Variants in CRISPLD1 observed in about 807,000 individuals in gnomAD.
CRISPLD1 encodes the protein cysteine-rich secretory protein LCCL domain-containing 1.
CRISPLD1 carries 60 observed loss-of-function variants against 77.5 expected under a neutral mutation model. The ratio of observed to expected loss-of-function variants is 0.77; its 90% CI spans 0.63 to 0.96. CRISPLD1 has a LOEUF of 0.96. Ranked by LOEUF, CRISPLD1 falls within the 40% of genes least tolerant of loss-of-function variation. CRISPLD1 has a pLI of 0.00. For synonymous variants in CRISPLD1, 195 were observed against 200.1 expected, an observed-to-expected ratio of 0.97 and a Z score of 0.22; for missense variants, 623 against 615.8, an observed-to-expected ratio of 1.01 and a Z score of -0.12.
chr8:75,027,429 A>G (rs2128788776), intron 13 of CRISPLD1, among the ~76,000 whole-genome samples: 1 of 152,316 alleles, frequency 6.6e-6, no homozygotes, highest in Admixed American at 6.5e-5. Flanking sequence ...GAGAACTTTT[A>G]ATTTTAGTCA....
At chr8:75,026,196 C>T (rs1813232772) in intron 13 of CRISPLD1, among the ~76,000 whole-genome samples, 1 of 152,118 alleles carries the variant, frequency 6.6e-6, no homozygotes, top group African/African-American at 2.4e-5. Flanking sequence ...GATCCTCCTG[C>T]CTCAGCCTCC....
In CRISPLD1 at chr8:74,986,487, C is replaced by T. The variant is rs1587001889; in HGVS notation, c.258+242C>T. ...TTCCTACTAAGTGCTGTAAATTCTA[C>T]TCTCACCAGGAAGGTTAATATAGTG... On this transcript the variant is annotated intron_variant, in intron 2 of 14. Transcript: ENST00000262207. 2.0e-5 allele frequency among the ~76,000 whole-genome samples: 3 copies of T among 152,280 alleles called. No homozygotes were observed. The South Asian group carries it at 6.2e-4, about 32-fold the overall frequency.
intron 2 of CRISPLD1, among the ~76,000 whole-genome samples, chr8:75,011,859 T>G (rs2128784977): frequency 6.6e-6 from 1 of 152,220 alleles, no homozygotes; most frequent in South Asian, 2.1e-4. Context: ...GATAGATATG[T>G]AAGCAGATAC....
intron 2 of CRISPLD1, chr8:75,000,488 T>C (rs1812721908): frequency 1.7e-5 from 16 of 934,220 alleles, no homozygotes; most frequent in Non-Finnish European, 1.9e-5. Context: ...GCCTTGAGAT[T>C]TTTGATGCTG....
At chr8:74,998,531 T>C (rs2128782065) in intron 2 of CRISPLD1, among the ~76,000 whole-genome samples, 1 of 151,062 alleles carries the variant, frequency 6.6e-6, no homozygotes, top group African/African-American at 2.4e-5. Context: ...CTATTAAAAA[T>C]AGAAAAATTA....
chr8:75,007,565 ATTGT>A (rs537972005), intron 2 of CRISPLD1, among the ~76,000 whole-genome samples: 18 of 141,888 alleles, frequency 1.3e-4, no homozygotes, highest in South Asian at 4.5e-4. Flanking sequence ...GTTTTCAGTT[ATTGT>A]TTGTTTGTTT....
At chr8:74,991,750 G>A (rs1279128930) in intron 2 of CRISPLD1, among the ~76,000 whole-genome samples, 1 of 151,902 alleles carries the variant, frequency 6.6e-6, no homozygotes. Flanking sequence ...GGCTGGTCTC[G>A]AACTCCTCAC....
chr8:75,003,427 C>G (rs1812778623), intron 2 of CRISPLD1, among the ~76,000 whole-genome samples: 1 of 152,032 alleles, frequency 6.6e-6, no homozygotes, highest in African/African-American at 2.4e-5. Context: ...TTTTTATTTA[C>G]TTTCAAAACC....
chr8:75,020,675 T>C (rs535800553), intron 12 of CRISPLD1, among the ~76,000 whole-genome samples: 7 of 152,310 alleles, frequency 4.6e-5, no homozygotes, highest in East Asian at 3.9e-4. Flanking sequence ...CTTCAACATA[T>C]GAACTTTGAA....
chr8:75,031,442 A>G (rs1813344067), intron 14 of CRISPLD1, among the ~76,000 whole-genome samples: 1 of 152,106 alleles, frequency 6.6e-6, no homozygotes, highest in Non-Finnish European at 1.5e-5. Context: ...TTAGACATTT[A>G]AACAAAACAT....
intron 2 of CRISPLD1, among the ~76,000 whole-genome samples, chr8:75,011,634 G>A (rs1812933063): frequency 6.6e-6 from 1 of 151,882 alleles, no homozygotes; most frequent in South Asian, 2.1e-4. Flanking sequence ...AACTTAATCG[G>A]TGATTTAAAT....
intron 12 of CRISPLD1, among the ~76,000 whole-genome samples, chr8:75,023,722 C>T (rs1307077615): frequency 2.0e-5 from 3 of 151,994 alleles, no homozygotes; most frequent in Non-Finnish European, 4.4e-5. Context: ...GTTATGTTAA[C>T]AGTCTCATTT....
intron 10 of CRISPLD1, 97 bp downstream of exon 10, chr8:75,017,547 A>G (rs973019683): frequency 2.8e-6 from 3 of 1,071,460 alleles, no homozygotes; most frequent in Non-Finnish European, 2.6e-6. Context: ...TAATTTAAGA[A>G]GAAAGAATTT....
chr8:75,016,806 G>A lies in CRISPLD1; in HGVS notation c.869-75G>A, dbSNP rs1813037559. 9.1e-6 allele frequency: 14 copies of A among 1,530,918 alleles called. No homozygotes were observed. The South Asian group carries it at 1.7e-4, about 19-fold the overall frequency. The allele number at this position is 1,530,918 out of a possible 1,614,324, so 94.8% of individuals were successfully genotyped here. A position where few individuals can be genotyped will look rare whatever the true frequency, so the allele number is the denominator to read the frequency against. On this transcript the variant is annotated intron_variant, in intron 7 of 14. Coordinates refer to ENST00000262207, the MANE Select transcript of CRISPLD1 (RefSeq NM_031461.6). ...ACATTTTTAGAATGGAAAAAATTTT[G>A]TCATTAGGCTATATATAATGAACTA...
intron 2 of CRISPLD1, among the ~76,000 whole-genome samples, chr8:75,007,565 A>AT (rs1215893980): frequency 2.8e-5 from 4 of 141,770 alleles, no homozygotes; most frequent in African/African-American, 1.1e-4. Flanking sequence ...GTTTTCAGTT[A>AT]TTGTTTGTTT....
chr8:75,027,702 A>C (rs535169542), intron 13 of CRISPLD1, among the ~76,000 whole-genome samples: 5 of 152,306 alleles, frequency 3.3e-5, no homozygotes, highest in African/African-American at 9.6e-5. Context: ...AAAATACATT[A>C]TCTCTCCAAA....
At chr8:75,030,852 GTA>G (rs1004158123) in intron 14 of CRISPLD1, among the ~76,000 whole-genome samples, 1 of 148,968 alleles carries the variant, frequency 6.7e-6, no homozygotes, top group African/African-American at 2.5e-5. Flanking sequence ...ATATGTGAAT[GTA>G]TATATACACA....
intron 6 of CRISPLD1, 99 bp downstream of exon 6, chr8:75,015,011 A>G: frequency 1.6e-6 from 1 of 620,332 alleles, no homozygotes; most frequent in Non-Finnish European, 2.7e-6. Context: ...CTTAATGATC[A>G]CACGAAAAGT....
At chr8:75,018,717 A>T (rs1456645103) in intron 10 of CRISPLD1, among the ~76,000 whole-genome samples, 1 of 151,850 alleles carries the variant, frequency 6.6e-6, no homozygotes, top group Admixed American at 6.6e-5. Context: ...CAGCCTCCCA[A>T]GTAGCTGGGA....
Sources: gnomAD v4.1 joint callset for allele counts (sites outside exome capture counted in the v4.1 genomes callset) on GRCh38, gnomAD v4.1.1 for gene constraint, MANE v1.5 for transcripts, NCBI Gene and HGNC (gene_info 2026-07-23, HGNC 2026-07-21) for gene names.